The following CCDC71L variants were observed in gnomAD, a reference collection of about 807,000 sequenced individuals.
CCDC71L encodes the protein coiled-coil domain-containing protein 71L.
In CCDC71L, 6 loss-of-function variants were observed where a neutral mutation model predicts 10.2. The observed-to-expected ratio is 0.59, with a 90% CI of 0.32 to 1.16. The LOEUF (loss-of-function observed/expected upper bound fraction) is 1.16, where lower values mean the gene tolerates loss of function less well. Among genes scored for constraint, CCDC71L ranks in the 50% most tolerant of loss-of-function variants. The pLI is 0.05. For synonymous variants in CCDC71L, 204 were observed against 175.5 expected (o/e 1.16, Z -1.28); for missense variants, 366 against 383.4 (o/e 0.95, Z 0.38).
At position 106,660,982 on chromosome 7, in the gene CCDC71L, T is replaced by C. The variant is rs1469502551; in HGVS notation, c.-86A>G. 7.7e-7 allele frequency: 1 copy of C among 1,294,822 alleles called. No individual in the cohort carries two copies. Among genetic ancestry groups the C allele is most frequent in the Non-Finnish European group, 9.8e-7 (1 of 1,024,058 alleles). 80.2% of individuals were successfully genotyped at this position (1,294,822 alleles called of 1,614,324 possible). A position where few individuals can be genotyped will look rare whatever the true frequency, so the allele number is the denominator to read the frequency against. ...TCCGCGTTGGCTCCGCGGCGGCGGC[T>C]GCTGCTGGCGTCTCTCGCTACTTTT... On this transcript the variant is annotated 5_prime_UTR_variant, in exon 1 of 1. Transcript: ENST00000523505. The surrounding 1 kb of genome is among the most constrained non-coding windows in gnomAD (Gnocchi z 7.5).
Position 106,660,682 on chromosome 7 carries a change from C to T in CCDC71L, c.215G>A (p.Ser72Asn), listed in dbSNP as rs1276054687. 6.3e-7 allele frequency: 1 copy of T among 1,585,904 alleles called. No homozygotes were observed. Among genetic ancestry groups the T allele is most frequent in the Non-Finnish European group, 8.6e-7 (1 of 1,166,128 alleles). ...GAAGCTCCAGAGCTCCGCGTCCGAGCTCATGAACTCCGTGCTGCGGGGCAT... is the reference window on the plus strand; with the variant it reads ...GAAGCTCCAGAGCTCCGCGTCCGAGTTCATGAACTCCGTGCTGCGGGGCAT... Reference protein sequence around the residue: ...LFMPRSTEFMSSDAELWSFLC... With the variant: ...LFMPRSTEFMNSDAELWSFLC... Residue 72 changes from serine to asparagine, a missense_variant, in exon 1 of 1, where the codon AGC becomes AAC. Coordinates refer to ENST00000523505, the MANE Select transcript of CCDC71L (RefSeq NM_175884.6). The surrounding 1 kb of genome is among the most constrained non-coding windows in gnomAD (Gnocchi z 7.5).
In CCDC71L at chr7:106,660,372, G is replaced by C; in HGVS notation, c.525C>G (p.Arg175=). Residue 175 remains arginine, a synonymous_variant, in exon 1 of 1, where the codon CGC becomes CGG. Coordinates refer to ENST00000523505, the MANE Select transcript of CCDC71L (RefSeq NM_175884.6). The surrounding 1 kb of genome is among the most constrained non-coding windows in gnomAD (Gnocchi z 7.5). ...CCGCCCTCCAGATCTCCTCCAAGGTGCGGCCCCCGAAGCAGGGCCCGGGGG... is the reference window on the plus strand; with the variant it reads ...CCGCCCTCCAGATCTCCTCCAAGGTCCGGCCCCCGAAGCAGGGCCCGGGGG... ...PVAPGPCFGG[R]TLEEIWRAAT... is the part of the protein sequence containing the mutation. The C allele has an allele frequency of 7.3e-7, 1 of 1,372,796 alleles. No individual in the cohort carries two copies. The allele number at this position is 1,372,796 out of a possible 1,614,324, so 85.0% of individuals were successfully genotyped here.
rs935303537 is a variant in CCDC71L, at chr7:106,660,978, C to G, written c.-82G>C. On this transcript the variant is annotated 5_prime_UTR_variant, in exon 1 of 1. Transcript: ENST00000523505. This position sits in a 1 kb window ranked among gnomAD's most constrained non-coding sequence, Gnocchi z 7.5. The stretch of plus-strand genomic sequence containing the variant: ...CCAGTCCGCGTTGGCTCCGCGGCGG[C>G]GGCTGCTGCTGGCGTCTCTCGCTAC... 1 of 1,294,036 alleles carries G rather than the reference C, an allele frequency of 7.7e-7. No homozygotes were observed. The highest frequency in any genetic ancestry group is 9.8e-7 in the Non-Finnish European group (1 of 1,023,276). The allele number at this position is 1,294,036 out of a possible 1,614,324, so 80.2% of individuals were successfully genotyped here.
At position 106,660,971 on chromosome 7, in the gene CCDC71L, G is replaced by A. The variant is rs1398610535; in HGVS notation, c.-75C>T. 4 of 1,294,380 alleles carry A rather than the reference G, an allele frequency of 3.1e-6. No individual in the cohort carries two copies. Among genetic ancestry groups the A allele is most frequent in the East Asian group, 3.2e-5 (1 of 31,370 alleles). The allele number at this position is 1,294,380 out of a possible 1,614,324, so 80.2% of individuals were successfully genotyped here. On this transcript the variant is annotated 5_prime_UTR_variant, in exon 1 of 1. Coordinates refer to ENST00000523505, the MANE Select transcript of CCDC71L (RefSeq NM_175884.6). This position sits in a 1 kb window ranked among gnomAD's most constrained non-coding sequence, Gnocchi z 7.5. ...CGCCGTCCCAGTCCGCGTTGGCTCCGCGGCGGCGGCTGCTGCTGGCGTCTC... is the reference window on the plus strand; with the variant it reads ...CGCCGTCCCAGTCCGCGTTGGCTCCACGGCGGCGGCTGCTGCTGGCGTCTC...
At position 106,657,733 on chromosome 7, in the gene CCDC71L, A is replaced by T. The variant is rs561676685; in HGVS notation, c.*2456T>A. On this transcript the variant is annotated 3_prime_UTR_variant, in exon 1 of 1. Coordinates refer to ENST00000523505, the MANE Select transcript of CCDC71L (RefSeq NM_175884.6). The stretch of plus-strand genomic sequence containing the variant: ...TCTTATTTCACAGACTAGAAATGGC[A>T]TAATTTTTGAATAGTCCAGATGAAT... 6.6e-6 allele frequency: 1 copy of T among 152,368 alleles called. No homozygotes were observed. The highest frequency in any genetic ancestry group is 1.9e-4 in the East Asian group (1 of 5,194). The allele number at this position is 152,368 out of a possible 1,614,324, so 9.4% of individuals were successfully genotyped here.
rs545266263 is a variant in CCDC71L, at chr7:106,655,023, A to C, written c.*5166T>G. Reference sequence around the variant, plus strand: ...ATAAGTCCAGTTTTGGATTCAGTAGACTACTTATTCAAATTTTCTGGGCTA... The same window carrying C: ...ATAAGTCCAGTTTTGGATTCAGTAGCCTACTTATTCAAATTTTCTGGGCTA... On this transcript the variant is annotated 3_prime_UTR_variant, in exon 1 of 1. Transcript: ENST00000523505. 2.0e-5 allele frequency among the ~76,000 whole-genome samples: 3 copies of C among 152,238 alleles called. No individual in the cohort carries two copies. The East Asian group carries it at 5.8e-4, about 29-fold the overall frequency.
At position 106,654,743 on chromosome 7, in the gene CCDC71L, AG is replaced by A. The variant is rs1322391471; in HGVS notation, c.*5445del. 6.6e-6 allele frequency among the ~76,000 whole-genome samples: 1 copy of A among 152,120 alleles called. No homozygotes were observed. The highest frequency in any genetic ancestry group is 1.5e-5 in the Non-Finnish European group (1 of 67,980). On this transcript the variant is annotated 3_prime_UTR_variant, in exon 1 of 1. Coordinates refer to ENST00000523505, the MANE Select transcript of CCDC71L (RefSeq NM_175884.6). ...TTTTAATCTGAGTGCTAGTTCCATG[AG>A]CCTATTGAATTTATGAAAATTCATC... is the stretch of plus-strand genomic sequence containing the variant.
Position 106,660,905 on chromosome 7 carries a change from G to T in CCDC71L, c.-9C>A. On this transcript the variant is annotated 5_prime_UTR_variant, in exon 1 of 1. Coordinates refer to ENST00000523505, the MANE Select transcript of CCDC71L (RefSeq NM_175884.6). The surrounding 1 kb of genome is among the most constrained non-coding windows in gnomAD (Gnocchi z 7.5). The stretch of plus-strand genomic sequence containing the variant: ...TTCATACTGCGCCGCATCGAAGGCC[G>T]CTCCGGGCCACTCACGCTCGCCGGG... 5 of 1,365,772 alleles carry T rather than the reference G, an allele frequency of 3.7e-6. No individual in the cohort carries two copies. Among genetic ancestry groups the T allele is most frequent in the African/African-American group, 1.5e-5 (1 of 64,974 alleles). The allele number at this position is 1,365,772 out of a possible 1,614,324, so 84.6% of individuals were successfully genotyped here. A position where few individuals can be genotyped will look rare whatever the true frequency, so the allele number is the denominator to read the frequency against.
rs1271669836 is a variant in CCDC71L at position 106,660,753 on chromosome 7, C to T, written c.144G>A (p.Ser48=). ...CCAGCGCCTTGGTGCTGTCAGCCAG[C>T]GACAGTTGCGACCGCGAGTACACCA... ...EKVVYSRSQL[S]LADSTKALGD... The change falls in exon 1 of 1, where the codon TCG becomes TCA. Residue 48 remains serine (S), a synonymous_variant. Transcript: ENST00000523505. The surrounding 1 kb of genome is among the most constrained non-coding windows in gnomAD (Gnocchi z 7.5). 14 of 1,559,794 alleles carry T rather than the reference C, an allele frequency of 9.0e-6. No individual in the cohort carries two copies. Among genetic ancestry groups the T allele is most frequent in the South Asian group, 3.5e-5 (3 of 84,686 alleles).
In CCDC71L at chr7:106,654,522, AAATG is replaced by A. The variant is rs1459719565; in HGVS notation, c.*5663_*5666del. On this transcript the variant is annotated 3_prime_UTR_variant, in exon 1 of 1. Coordinates refer to ENST00000523505, the MANE Select transcript of CCDC71L (RefSeq NM_175884.6). ...ACAATAATAGTACACACAACAATAT[AAATG>A]AATCTCACAAACATAATTTCAAGTG... Among the ~76,000 whole-genome samples, 1 of 152,214 alleles carries A rather than the reference AAATG, an allele frequency of 6.6e-6. No homozygotes were observed. Among genetic ancestry groups the A allele is most frequent in the Non-Finnish European group, 1.5e-5 (1 of 68,024 alleles).
At position 106,661,042 on chromosome 7, in the gene CCDC71L, C is replaced by T. The variant is rs1792591696; in HGVS notation, c.-146G>A. On this transcript the variant is annotated 5_prime_UTR_variant, in exon 1 of 1. Transcript: ENST00000523505. ...GCCGCCGCCCCTCCCCCTCCGAGGG[C>T]GGAGGACGCGGGCGAATATCCTGCT... The T allele has an allele frequency of 5.1e-6, 6 of 1,177,334 alleles. No homozygotes were observed. The highest frequency in any genetic ancestry group is 4.4e-6 in the Non-Finnish European group (4 of 916,214). 72.9% of individuals were successfully genotyped at this position (1,177,334 alleles called of 1,614,324 possible). A position where few individuals can be genotyped will look rare whatever the true frequency, so the allele number is the denominator to read the frequency against.
In CCDC71L at chr7:106,655,112, G is replaced by A. The variant is rs1299181295; in HGVS notation, c.*5077C>T. On this transcript the variant is annotated 3_prime_UTR_variant, in exon 1 of 1. Coordinates refer to ENST00000523505, the MANE Select transcript of CCDC71L (RefSeq NM_175884.6). ...ATTGGGCTTTAGATATGTTTATTAT[G>A]TTATAGATCATGGTTTAGAATGACA... 2.0e-5 allele frequency among the ~76,000 whole-genome samples: 3 copies of A among 152,078 alleles called. No individual in the cohort carries two copies. Among genetic ancestry groups the A allele is most frequent in the African/African-American group, 7.2e-5 (3 of 41,426 alleles).
rs138888020 is a variant in CCDC71L, at chr7:106,656,529, A to C, written c.*3660T>G. 1.3e-5 allele frequency among the ~76,000 whole-genome samples: 2 copies of C among 152,162 alleles called. No homozygotes were observed. Among genetic ancestry groups the C allele is most frequent in the African/African-American group, 2.4e-5 (1 of 41,522 alleles). ...TTTGTAGGATATTTTATTGCTGGCA[A>C]ACTGGTTAATAAGTTGGGCTTGTAG... is the stretch of plus-strand genomic sequence containing the variant. On this transcript the variant is annotated 3_prime_UTR_variant, in exon 1 of 1. Transcript: ENST00000523505.
In CCDC71L at chr7:106,660,853, G is replaced by T; in HGVS notation, c.44C>A (p.Ala15Asp). Residue 15 changes from alanine (A) to aspartate (D), a missense_variant, in exon 1 of 1, where the codon GCC becomes GAC. Coordinates refer to ENST00000523505, the MANE Select transcript of CCDC71L (RefSeq NM_175884.6). The surrounding 1 kb of genome is among the most constrained non-coding windows in gnomAD (Gnocchi z 7.5). ...MKRRRRRRPV[A>D]PATAARGGDF... ...GCCGCCCCGGGCGGCCGTGGCCGGG[G>T]CGACCGGGCGCCGGCGCCGCCGCCT... 6.8e-7 allele frequency: 1 copy of T among 1,480,836 alleles called. No individual in the cohort carries two copies. The highest frequency in any genetic ancestry group is 8.9e-7 in the Non-Finnish European group (1 of 1,121,872). 91.7% of individuals were successfully genotyped at this position (1,480,836 alleles called of 1,614,324 possible). A position where few individuals can be genotyped will look rare whatever the true frequency, so the allele number is the denominator to read the frequency against.
Position 106,657,079 on chromosome 7 carries a change from G to A in CCDC71L, c.*3110C>T, listed in dbSNP as rs1406063947. 2 of 152,126 alleles carry A rather than the reference G, an allele frequency of 1.3e-5. No individual in the cohort carries two copies. Among genetic ancestry groups the A allele is most frequent in the African/African-American group, 4.8e-5 (2 of 41,422 alleles). 9.4% of individuals were successfully genotyped at this position (152,126 alleles called of 1,614,324 possible). ...AAATATTTTTAAAATTTACTTAAGA[G>A]TTTTCTAAAAAATAGTACTATCATT... On this transcript the variant is annotated 3_prime_UTR_variant, in exon 1 of 1. Coordinates refer to ENST00000523505, the MANE Select transcript of CCDC71L (RefSeq NM_175884.6).
In CCDC71L at chr7:106,660,360, C is replaced by T. The variant is rs1329320168; in HGVS notation, c.537G>A (p.Glu179=). 7 of 1,442,266 alleles carry T rather than the reference C, an allele frequency of 4.9e-6. No homozygotes were observed. The highest frequency in any genetic ancestry group is 5.4e-6 in the Non-Finnish European group (6 of 1,104,814). The allele number at this position is 1,442,266 out of a possible 1,614,324, so 89.3% of individuals were successfully genotyped here. Residue 179 remains glutamate (E), a synonymous_variant, in exon 1 of 1, where the codon GAG becomes GAA. Transcript: ENST00000523505. The surrounding 1 kb of genome is among the most constrained non-coding windows in gnomAD (Gnocchi z 7.5). ...GCGTCGGGGTGGCCGCCCTCCAGAT[C>T]TCCTCCAAGGTGCGGCCCCCGAAGC... ...GPCFGGRTLE[E]IWRAATPTLT... is the part of the protein sequence containing the mutation.
rs980601890 is a variant in CCDC71L, at chr7:106,655,728, C to G, written c.*4461G>C. ...GAAGATGTGAATCTTTAAAAAAACT[C>G]CAACAACAAAAATTGTAATAAATCA... On this transcript the variant is annotated 3_prime_UTR_variant, in exon 1 of 1. Transcript: ENST00000523505. 6.6e-6 allele frequency among the ~76,000 whole-genome samples: 1 copy of G among 151,948 alleles called. No homozygotes were observed. The highest frequency in any genetic ancestry group is 1.5e-5 in the Non-Finnish European group (1 of 67,994).
In CCDC71L at chr7:106,654,663, G is replaced by A. The variant is rs915405545; in HGVS notation, c.*5526C>T. ...GTTATCTTGGGCAAGAAGGTGAGTA[G>A]GTAATGGCTGATGGGGTGTTAGGGA... is the stretch of plus-strand genomic sequence containing the variant. On this transcript the variant is annotated 3_prime_UTR_variant, in exon 1 of 1. Coordinates refer to ENST00000523505, the MANE Select transcript of CCDC71L (RefSeq NM_175884.6). Among the ~76,000 whole-genome samples the A allele has an allele frequency of 6.6e-5, 10 of 152,102 alleles. No homozygotes were observed. Among genetic ancestry groups the A allele is most frequent in the African/African-American group, 1.7e-4 (7 of 41,438 alleles).
chr7:106,656,976 A>C lies in CCDC71L; in HGVS notation c.*3213T>G, dbSNP rs1249221981. On this transcript the variant is annotated 3_prime_UTR_variant, in exon 1 of 1. Coordinates refer to ENST00000523505, the MANE Select transcript of CCDC71L (RefSeq NM_175884.6). Reference sequence around the variant, plus strand: ...TATTAGGCATGTATGTCCATTAAAAACCATTAAAGAGTCCTGTGGCAATCC... The same window carrying C: ...TATTAGGCATGTATGTCCATTAAAACCCATTAAAGAGTCCTGTGGCAATCC... 2 of 152,182 alleles carry C rather than the reference A, an allele frequency of 1.3e-5. No individual in the cohort carries two copies. The highest frequency in any genetic ancestry group is 4.8e-5 in the African/African-American group (2 of 41,442). 9.4% of individuals were successfully genotyped at this position (152,182 alleles called of 1,614,324 possible).
Sources: gnomAD v4.1 joint callset for allele counts (sites outside exome capture counted in the v4.1 genomes callset) on GRCh38, gnomAD v4.1.1 for gene constraint, Gnocchi (gnomAD v3.1) non-coding constraint, MANE v1.5 for transcripts, NCBI Gene and HGNC (gene_info 2026-07-23, HGNC 2026-07-21) for gene names.